Variants in CD200R1 observed in about 807,000 individuals in gnomAD.
The protein encoded by CD200R1 is CD200 receptor 1.
CD200R1 carries 30 observed loss-of-function variants against 38.1 expected under a neutral mutation model. The ratio of observed to expected loss-of-function variants is 0.79; its 90% CI spans 0.59 to 1.07. CD200R1 has a LOEUF of 1.07. Among genes scored for constraint, CD200R1 ranks in the 50% least tolerant of loss-of-function variants. The pLI, the probability that CD200R1 is intolerant of heterozygous loss-of-function variation, is 0.00. For synonymous variants in CD200R1, 128 were observed against 152.1 expected (o/e 0.84, Z 1.16); for missense variants, 372 against 415.4 (o/e 0.90, Z 0.91).
intron 2 of CD200R1, among the ~76,000 whole-genome samples, chr3:112,943,067 G>A (rs1940764765): frequency 6.6e-6 from 1 of 151,668 alleles, no homozygotes; most frequent in Admixed American, 6.6e-5. Context: ...GAAACAGACA[G>A]ATCCAGCAGG....
chr3:112,972,113 A>C (rs1301619585), intron 1 of CD200R1, among the ~76,000 whole-genome samples: 1 of 152,242 alleles, frequency 6.6e-6, no homozygotes, highest in Non-Finnish European at 1.5e-5. Flanking sequence ...AGACATTAAT[A>C]AGGACTTTTA....
chr3:112,972,100 C>G (rs1331959458), intron 1 of CD200R1, among the ~76,000 whole-genome samples: 4 of 152,200 alleles, frequency 2.6e-5, no homozygotes, highest in African/African-American at 9.7e-5. Flanking sequence ...TACACACACA[C>G]ACAGACATTA....
At chr3:112,961,309 A>G (rs147381108) in intron 1 of CD200R1, among the ~76,000 whole-genome samples, 9 of 152,234 alleles carry the variant, frequency 5.9e-5, no homozygotes, top group African/African-American at 2.2e-4. Context: ...ATACTATTAT[A>G]AGAACTAGCT....
intron 1 of CD200R1, among the ~76,000 whole-genome samples, chr3:112,970,360 A>G (rs1010778932): frequency 1.3e-5 from 2 of 152,134 alleles, no homozygotes; most frequent in Non-Finnish European, 2.9e-5. Context: ...GGGGGGAAAA[A>G]GGGCTGATTG....
intron 5 of CD200R1, among the ~76,000 whole-genome samples, chr3:112,927,391 C>T (rs1940304529): frequency 6.6e-6 from 1 of 151,806 alleles, no homozygotes; most frequent in African/African-American, 2.4e-5. Flanking sequence ...CATAACAAAT[C>T]TCTAGTTATT....
At position 112,974,899 on chromosome 3, in the gene CD200R1, T is replaced by A. The variant is rs1185294920; in HGVS notation, c.-42A>T. On this transcript the variant is annotated 5_prime_UTR_variant, in exon 1 of 8. Coordinates refer to ENST00000308611, the MANE Select transcript of CD200R1 (RefSeq NM_138806.4). ...TCTGCCCTTCACTCAGTACTTTTCCTCCACACAGGTACAGAAGGAACTGTG... is the reference window on the plus strand; with the variant it reads ...TCTGCCCTTCACTCAGTACTTTTCCACCACACAGGTACAGAAGGAACTGTG... The A allele has an allele frequency of 6.6e-7, 1 of 1,512,838 alleles. No homozygotes were observed. Among genetic ancestry groups the A allele is most frequent in the South Asian group, 1.1e-5 (1 of 88,476 alleles). 93.7% of individuals were successfully genotyped at this position (1,512,838 alleles called of 1,614,324 possible).
chr3:112,967,324 C>A (rs1933193134), intron 1 of CD200R1, among the ~76,000 whole-genome samples: 1 of 152,010 alleles, frequency 6.6e-6, no homozygotes, highest in African/African-American at 2.4e-5. Context: ...TTCATTAAGC[C>A]TGTTTGACCT....
rs1363567287 is a variant in CD200R1 at position 112,922,078 on chromosome 3, A to G, written c.*1599T>C. ...CAAGTCAAAATGGCTTGATCAAAAT[A>G]TCATGTGCCAAGTGTCATTAGATTA... On this transcript the variant is annotated 3_prime_UTR_variant, in exon 8 of 8. Transcript: ENST00000308611. 6.6e-6 allele frequency: 1 copy of G among 152,010 alleles called. No individual in the cohort carries two copies. The highest frequency in any genetic ancestry group is 1.5e-5 in the Non-Finnish European group (1 of 67,952). 9.4% of individuals were successfully genotyped at this position (152,010 alleles called of 1,614,324 possible).
At chr3:112,972,048 GTCTT>G (rs992261552) in intron 1 of CD200R1, among the ~76,000 whole-genome samples, 3 of 151,902 alleles carry the variant, frequency 2.0e-5, no homozygotes, top group African/African-American at 7.3e-5. Context: ...TCTTACCTTT[GTCTT>G]TCTAATTTAG....
rs979203757 is a variant in CD200R1 at position 112,922,965 on chromosome 3, A to G, written c.*712T>C. On this transcript the variant is annotated 3_prime_UTR_variant, in exon 8 of 8. Transcript: ENST00000308611. ...TATCCTACAGATATACTCAAAAACAAAGAGATATATGCACAAGAAACATTC... is the reference window on the plus strand; with the variant it reads ...TATCCTACAGATATACTCAAAAACAGAGAGATATATGCACAAGAAACATTC... 1.3e-5 allele frequency: 2 copies of G among 151,926 alleles called. No homozygotes were observed. Among genetic ancestry groups the G allele is most frequent in the East Asian group, 1.9e-4 (1 of 5,182 alleles). The allele number at this position is 151,926 out of a possible 1,614,324, so 9.4% of individuals were successfully genotyped here. A position where few individuals can be genotyped will look rare whatever the true frequency, so the allele number is the denominator to read the frequency against.
At position 112,974,906 on chromosome 3, in the gene CD200R1, A is replaced by T. The variant is rs62263759; in HGVS notation, c.-49T>A. The T allele has an allele frequency of 0.29, 411,014 of 1,435,188 alleles. 64,000 individuals carry two copies. The highest frequency in any genetic ancestry group is 0.32 in the Non-Finnish European group (323,517 of 1,019,240). 88.9% of individuals were successfully genotyped at this position (1,435,188 alleles called of 1,614,324 possible). A position where few individuals can be genotyped will look rare whatever the true frequency, so the allele number is the denominator to read the frequency against. On this transcript the variant is annotated 5_prime_UTR_variant, in exon 1 of 8. Coordinates refer to ENST00000308611, the MANE Select transcript of CD200R1 (RefSeq NM_138806.4). ...TTCACTCAGTACTTTTCCTCCACAC[A>T]GGTACAGAAGGAACTGTGCGCATGG...
At chr3:112,947,798 A>G in intron 2 of CD200R1, 58 bp downstream of exon 2, 1 of 1,084,734 alleles carries the variant, frequency 9.2e-7, no homozygotes, top group Non-Finnish European at 1.4e-6. Flanking sequence ...AAAATGTAAA[A>G]CCTATATGGA....
intron 2 of CD200R1, among the ~76,000 whole-genome samples, chr3:112,947,153 A>C (rs1262211973): frequency 6.6e-6 from 1 of 152,162 alleles, no homozygotes; most frequent in Admixed American, 6.5e-5. Context: ...TAGAATAGAG[A>C]CGATTTTTAG....
chr3:112,964,327 G>A (rs1933101504), intron 1 of CD200R1, among the ~76,000 whole-genome samples: 1 of 152,192 alleles, frequency 6.6e-6, no homozygotes, highest in African/African-American at 2.4e-5. Flanking sequence ...CTCTGCCCCT[G>A]TAAAGGTCAC....
chr3:112,945,011 C>T (rs1433166598), intron 2 of CD200R1, among the ~76,000 whole-genome samples: 3 of 152,082 alleles, frequency 2.0e-5, no homozygotes, highest in Non-Finnish European at 2.9e-5. Context: ...ATAAGTCTAA[C>T]AAAATATGTG....
intron 2 of CD200R1, among the ~76,000 whole-genome samples, chr3:112,932,922 A>C (rs1259521226): frequency 6.6e-6 from 1 of 152,080 alleles, no homozygotes; most frequent in Admixed American, 6.5e-5. Flanking sequence ...ATCCACCACT[A>C]GTGGAAACTC....
chr3:112,946,708 C>T (rs1426976082), intron 2 of CD200R1, among the ~76,000 whole-genome samples: 1 of 152,172 alleles, frequency 6.6e-6, no homozygotes, highest in Non-Finnish European at 1.5e-5. Flanking sequence ...GGTACATCTA[C>T]TTTGAAAGAC....
intron 1 of CD200R1, among the ~76,000 whole-genome samples, chr3:112,963,488 C>T (rs1933075104): frequency 6.6e-6 from 1 of 152,162 alleles, no homozygotes; most frequent in Non-Finnish European, 1.5e-5. Context: ...GCAAAGGTGA[C>T]TCTTGTTATG....
intron 2 of CD200R1, 124 bp from the exon 3 acceptor site, chr3:112,931,295 C>A: frequency 1.7e-6 from 1 of 584,530 alleles, no homozygotes; most frequent in Non-Finnish European, 3.1e-6. Flanking sequence ...TAAAATTACA[C>A]AAAAATCATT....
Sources: gnomAD v4.1 joint callset for allele counts (sites outside exome capture counted in the v4.1 genomes callset) on GRCh38, gnomAD v4.1.1 for gene constraint, MANE v1.5 for transcripts, NCBI Gene and HGNC (gene_info 2026-07-23, HGNC 2026-07-21) for gene names.